The following FAM3C variants were observed in gnomAD, a reference collection of about 807,000 sequenced individuals.
FAM3C encodes the protein FAM3 metabolism regulating signaling molecule C, also known as protein FAM3C.
A neutral mutation model predicts 32.5 loss-of-function variants in FAM3C; 15 were observed. The ratio of observed to expected loss-of-function variants is 0.46; its 90% CI spans 0.31 to 0.71. The LOEUF (loss-of-function observed/expected upper bound fraction) is 0.71, where lower values mean the gene tolerates loss of function less well. Among genes scored for constraint, FAM3C ranks in the 30% least tolerant of loss-of-function variants. The pLI, the probability that FAM3C is intolerant of heterozygous loss-of-function variation, is 0.05. For synonymous variants in FAM3C, 75 were observed against 86.1 expected (o/e 0.87, Z 0.72); for missense variants, 175 against 274.4 (o/e 0.64, Z 2.56).
intron 1 of FAM3C, among the ~76,000 whole-genome samples, chr7:121,388,258 A>ACACACACACACACT (rs1445908029): frequency 6.6e-6 from 1 of 151,490 alleles, no homozygotes; most frequent in Non-Finnish European, 1.5e-5. Flanking sequence ...ACACACACAC[A>ACACACACACACACT]CACTCACACA....
At chr7:121,370,281 C>T (rs1229016598) in intron 5 of FAM3C, among the ~76,000 whole-genome samples, 1 of 152,004 alleles carries the variant, frequency 6.6e-6, no homozygotes, top group African/African-American at 2.4e-5. Flanking sequence ...TAGCTCAAGC[C>T]CTTAATTTTA....
chr7:121,383,512 G>A lies in FAM3C; in HGVS notation c.-41-502C>T, dbSNP rs189862190. 2.0e-4 allele frequency among the ~76,000 whole-genome samples: 30 copies of A among 152,240 alleles called. No individual in the cohort carries two copies. The East Asian group carries it at 5.6e-3, about 28-fold the overall frequency. ...CCACTACCATAAGCATTTACAGCAA[G>A]GGCTTCCGATTTCAATACCAGGGAC... On this transcript the variant is annotated intron_variant, in intron 1 of 9. Transcript: ENST00000359943.
At chr7:121,353,065 A>G (rs191005948) in intron 8 of FAM3C, among the ~76,000 whole-genome samples, 1 of 152,286 alleles carries the variant, frequency 6.6e-6, no homozygotes, top group East Asian at 1.9e-4. Context: ...AAAAATTATG[A>G]ATTGATACCT....
chr7:121,372,481 T>C (rs1447656355), intron 3 of FAM3C, among the ~76,000 whole-genome samples: 2 of 152,176 alleles, frequency 1.3e-5, no homozygotes, highest in East Asian at 3.8e-4. Flanking sequence ...TTGGTGAATA[T>C]GATGGTGTTT....
intron 2 of FAM3C, among the ~76,000 whole-genome samples, chr7:121,379,327 C>T (rs928868282): frequency 5.9e-5 from 9 of 152,016 alleles, no homozygotes; most frequent in Non-Finnish European, 1.0e-4. Flanking sequence ...TGGAACACCA[C>T]CACCAAGTTT....
At chr7:121,373,705 AAAAT>A (rs1490006828) in intron 3 of FAM3C, among the ~76,000 whole-genome samples, 2 of 152,192 alleles carry the variant, frequency 1.3e-5, no homozygotes. Context: ...TGAAAAGGTA[AAAAT>A]AAATAAATTC....
At chr7:121,396,068 GGCT>G (rs1206207436) in intron 1 of FAM3C, 91 bp downstream of exon 1, 1 of 151,612 alleles carries the variant, frequency 6.6e-6, no homozygotes, top group Non-Finnish European at 1.5e-5. Flanking sequence ...AGTGCGCGGA[GGCT>G]GAAGTCGTAG....
chr7:121,360,805 A>G (rs1793904207), intron 7 of FAM3C, among the ~76,000 whole-genome samples: 1 of 152,196 alleles, frequency 6.6e-6, no homozygotes, highest in African/African-American at 2.4e-5. Context: ...ACTGCACTCT[A>G]GCCTGGTTGA....
In FAM3C at chr7:121,351,209, A is replaced by G. The variant is rs1004428720; in HGVS notation, c.528T>C (p.Leu176=). ...AGAAGACCCAGTTGTCTCTAAAACC[A>G]AGATTAGTAATAGATGTGCTCCCCA... ...ADLGSTSITN[L]GFRDNWVFCG... is the part of the protein sequence containing the mutation. The change falls in exon 9 of 10, where the codon CTT becomes CTC. Residue 176 remains leucine (L), a synonymous_variant. Coordinates refer to ENST00000359943, the MANE Select transcript of FAM3C (RefSeq NM_014888.3). 1.2e-6 allele frequency: 2 copies of G among 1,613,602 alleles called. No homozygotes were observed. The highest frequency in any genetic ancestry group is 1.7e-5 in the Admixed American group (1 of 59,922).
chr7:121,350,641 T>A, intron 9 of FAM3C, 91 bp from the exon 10 acceptor site: 1 of 1,292,750 alleles, frequency 7.7e-7, no homozygotes, highest in Non-Finnish European at 1.1e-6. Context: ...ATTTCAGTAA[T>A]ACTCATGTCA....
chr7:121,365,259 T>C (rs150172706), intron 5 of FAM3C, among the ~76,000 whole-genome samples: 13 of 152,244 alleles, frequency 8.5e-5, no homozygotes, highest in African/African-American at 3.1e-4. Flanking sequence ...CTAACAAACG[T>C]TGGATCTATG....
At chr7:121,354,712 A>T (rs746172674) in intron 8 of FAM3C, among the ~76,000 whole-genome samples, 2 of 152,214 alleles carry the variant, frequency 1.3e-5, no homozygotes, top group African/African-American at 4.8e-5. Flanking sequence ...AAGAGTAAGA[A>T]ATGCTAACTA....
intron 1 of FAM3C, among the ~76,000 whole-genome samples, chr7:121,395,424 T>C (rs1794668907): frequency 6.6e-6 from 1 of 151,282 alleles, no homozygotes; most frequent in Non-Finnish European, 1.5e-5. Flanking sequence ...TCCTATCAAT[T>C]AGATAGCAGT....
intron 6 of FAM3C, among the ~76,000 whole-genome samples, chr7:121,363,594 A>C (rs1269980609): frequency 6.6e-6 from 1 of 152,116 alleles, no homozygotes; most frequent in Non-Finnish European, 1.5e-5. Flanking sequence ...TACTTATTGT[A>C]CCAGAACAGA....
At chr7:121,387,831 C>T (rs1406421950) in intron 1 of FAM3C, among the ~76,000 whole-genome samples, 1 of 152,018 alleles carries the variant, frequency 6.6e-6, no homozygotes, top group Non-Finnish European at 1.5e-5. Context: ...AAATGTGCAT[C>T]TAATGCTTAA....
chr7:121,355,563 A>T (rs1793790716), intron 8 of FAM3C, among the ~76,000 whole-genome samples: 1 of 152,216 alleles, frequency 6.6e-6, no homozygotes, highest in South Asian at 2.1e-4. Context: ...TAACGTCATC[A>T]CAACTATTTC....
chr7:121,363,805 G>C (rs973882743), intron 6 of FAM3C, among the ~76,000 whole-genome samples: 1 of 151,944 alleles, frequency 6.6e-6, no homozygotes, highest in Non-Finnish European at 1.5e-5. Flanking sequence ...CATTTCATAC[G>C]CCTTTAATCC....
rs188693914 is a variant in FAM3C at position 121,383,052 on chromosome 7, G to A, written c.-41-42C>T. The A allele has an allele frequency of 6.6e-6, 7 of 1,054,300 alleles. No individual in the cohort carries two copies. In the East Asian group the frequency reaches 1.5e-4, roughly 22 times the overall value. 65.3% of individuals were successfully genotyped at this position (1,054,300 alleles called of 1,614,324 possible). ...AAAAGCAAATATCATTAGCTCTAGAGCAAACATTCCTCCTTAGATTGAGTT... is the reference window on the plus strand; with the variant it reads ...AAAAGCAAATATCATTAGCTCTAGAACAAACATTCCTCCTTAGATTGAGTT... On this transcript the variant is annotated intron_variant, in intron 1 of 9. Transcript: ENST00000359943.
chr7:121,359,986 G>A (rs1793886905), intron 8 of FAM3C, 57 bp downstream of exon 8: 1 of 902,622 alleles, frequency 1.1e-6, no homozygotes, highest in Non-Finnish European at 1.8e-6. Flanking sequence ...TAATGAAAAT[G>A]TATTGCTTTT....
Sources: allele counts gnomAD v4.1 joint callset (sites outside exome capture counted in the v4.1 genomes callset), GRCh38; gene constraint gnomAD v4.1.1; transcripts MANE v1.5; gene names NCBI Gene and HGNC (gene_info 2026-07-23, HGNC 2026-07-21).